Variants in STOX2 observed in about 807,000 individuals in gnomAD.
The protein encoded by STOX2 is storkhead-box protein 2.
A neutral mutation model predicts 60.9 loss-of-function variants in STOX2; 28 were observed. The ratio of observed to expected loss-of-function variants is 0.46; its 90% CI spans 0.34 to 0.63. The LOEUF (loss-of-function observed/expected upper bound fraction) is 0.63, where lower values mean the gene tolerates loss of function less well. Among genes scored for constraint, STOX2 ranks in the 30% least tolerant of loss-of-function variants. The pLI is 0.01. For synonymous variants in STOX2, 472 were observed against 463.9 expected (o/e 1.02, Z -0.22); for missense variants, 1,024 against 1,187.7 (o/e 0.86, Z 2.03).
Position 183,927,894 on chromosome 4 carries a change from G to A in STOX2, c.166+20938G>A, listed in dbSNP as rs571444085. 2.6e-5 allele frequency among the ~76,000 whole-genome samples: 4 copies of A among 152,300 alleles called. No homozygotes were observed. In the East Asian group the frequency reaches 7.7e-4, roughly 29 times the overall value. ...TGCAGGTAAGTGAGCACACCCCTCA[G>A]CAGGGCACCCAGGCATCCCACCAAG... On this transcript the variant is annotated intron_variant, in intron 1 of 3. Coordinates refer to ENST00000308497, the MANE Select transcript of STOX2 (RefSeq NM_020225.3).
At chr4:183,968,343 TACACACACACACACACACACACAC>T (rs60432446) in intron 1 of STOX2, among the ~76,000 whole-genome samples, 1 of 145,510 alleles carries the variant, frequency 6.9e-6, no homozygotes, top group Admixed American at 6.9e-5. Context: ...TGCATATACC[TACACACACACACACACACACACAC>T]ACACACACAC....
intron 2 of STOX2, among the ~76,000 whole-genome samples, chr4:184,003,788 C>T (rs528705500): frequency 2.0e-5 from 3 of 152,338 alleles, no homozygotes; most frequent in African/African-American, 4.8e-5. Context: ...CTGCTGACCC[C>T]TGGGCTAGGA....
chr4:183,874,743 G>A (rs1404429031), intron 1 of STOX2, among the ~76,000 whole-genome samples: 6 of 150,456 alleles, frequency 4.0e-5, no homozygotes, highest in Non-Finnish European at 4.4e-5. Flanking sequence ...TGGCTAACAC[G>A]GTGAAACCCC....
At chr4:183,956,116 T>C (rs1223091567) in intron 1 of STOX2, among the ~76,000 whole-genome samples, 1 of 152,202 alleles carries the variant, frequency 6.6e-6, no homozygotes, top group Non-Finnish European at 1.5e-5. Flanking sequence ...GTAACTGTAT[T>C]AGATGAAGGA....
Position 184,017,356 on chromosome 4 carries a change from A to C in STOX2, c.*72A>C. 7.3e-7 allele frequency: 1 copy of C among 1,364,024 alleles called. No homozygotes were observed. The highest frequency in any genetic ancestry group is 9.8e-7 in the Non-Finnish European group (1 of 1,017,164). 84.5% of individuals were successfully genotyped at this position (1,364,024 alleles called of 1,614,324 possible). ...TTACGACACTGGGACTGATGTTTAC[A>C]TCTTTGGAAAGACAAGCATCTCAAC... is the stretch of plus-strand genomic sequence containing the variant. On this transcript the variant is annotated 3_prime_UTR_variant, in exon 4 of 4. Transcript: ENST00000308497.
chr4:183,810,020 G>C (rs1443910731), intron 1 of STOX2, among the ~76,000 whole-genome samples: 1 of 152,188 alleles, frequency 6.6e-6, no homozygotes, highest in Non-Finnish European at 1.5e-5. Context: ...TGAATTCATA[G>C]AGCATAACTC....
In STOX2 at chr4:183,905,786, T is replaced by A. The variant is rs1050680536; in HGVS notation, c.-1005T>A. The A allele has an allele frequency of 3.9e-5, 6 of 152,218 alleles. No homozygotes were observed. Among genetic ancestry groups the A allele is most frequent in the African/African-American group, 1.4e-4 (6 of 41,468 alleles). The allele number at this position is 152,218 out of a possible 1,614,324, so 9.4% of individuals were successfully genotyped here. The stretch of plus-strand genomic sequence containing the variant: ...GAGACTGGGCGGCTGTCCTGCTTCC[T>A]GCCCTTCAATAGCCGTTCCGCGCGC... On this transcript the variant is annotated 5_prime_UTR_variant, in exon 1 of 4. Transcript: ENST00000308497.
At chr4:183,805,947 G>A (rs563771068) in intron 1 of STOX2, among the ~76,000 whole-genome samples, 29 of 152,310 alleles carry the variant, frequency 1.9e-4, no homozygotes, top group Admixed American at 6.5e-5. Context: ...CAGAGCTGGC[G>A]GTGTGTCTTT....
chr4:183,912,276 C>T (rs1221411208), intron 1 of STOX2, among the ~76,000 whole-genome samples: 2 of 152,164 alleles, frequency 1.3e-5, no homozygotes, highest in African/African-American at 4.8e-5. Context: ...AAAGCAAAAT[C>T]ACTTGTGTTG....
At chr4:183,852,324 A>G (rs1740166998) in intron 1 of STOX2, among the ~76,000 whole-genome samples, 2 of 111,536 alleles carry the variant, frequency 1.8e-5, no homozygotes, top group African/African-American at 8.3e-5. Context: ...GATGAGGGAA[A>G]GGATGAGGGA....
At position 183,798,755 on chromosome 4, in the gene STOX2, T is replaced by C. The variant is rs567926480; in HGVS notation, c.364+700T>C. On this transcript the variant is annotated intron_variant, in intron 1 of 2. Transcript: ENST00000513034. ...GAGCAAAACGTAAAGAGGGGCAGAG[T>C]CGCCCAGAGGTGAAGGTCGCCGCCG... is the stretch of plus-strand genomic sequence containing the variant. The C allele has an allele frequency of 7.3e-5, 72 of 985,252 alleles. No homozygotes were observed. The African/African-American group carries it at 1.2e-3, about 16-fold the overall frequency. The allele number at this position is 985,252 out of a possible 1,614,324, so 61.0% of individuals were successfully genotyped here.
Position 184,022,703 on chromosome 4 carries a change from T to TGCAGAG in STOX2, c.*5419_*5420insGCAGAG. 6.6e-6 allele frequency: 1 copy of TGCAGAG among 151,720 alleles called. No homozygotes were observed. The highest frequency in any genetic ancestry group is 2.1e-4 in the South Asian group (1 of 4,796). 9.4% of individuals were successfully genotyped at this position (151,720 alleles called of 1,614,324 possible). A position where few individuals can be genotyped will look rare whatever the true frequency, so the allele number is the denominator to read the frequency against. On this transcript the variant is annotated 3_prime_UTR_variant, in exon 4 of 4. Transcript: ENST00000308497. ...ATGTGAGACCTGAGATCTCCTCCAA[T>TGCAGAG]ATCTGTCCTCTGCAGTTCCGGGAAA...
rs142177119 is a variant in STOX2 at position 183,897,140 on chromosome 4, T to C, written c.364+99085T>C. ...AGACTCACTTCATGAACTGTTAACA[T>C]TGTCAGTCATGTCAATCAGGCAACT... On this transcript the variant is annotated intron_variant, in intron 1 of 2. Transcript: ENST00000513034. 1.8e-3 allele frequency among the ~76,000 whole-genome samples: 273 copies of C among 152,318 alleles called. 4 individuals are homozygous for C. The highest frequency in any genetic ancestry group is 6.2e-3 in the African/African-American group (258 of 41,568).
At position 183,906,837 on chromosome 4, in the gene STOX2, C is replaced by T. The variant is rs1342324000; in HGVS notation, c.47C>T (p.Ser16Leu). The T allele has an allele frequency of 1.9e-6, 3 of 1,555,638 alleles. No individual in the cohort carries two copies. In the African/African-American group the frequency reaches 4.1e-5, roughly 21 times the overall value. Reference sequence around the variant, plus strand: ...ACCTTGCGGCGAGCCTGGCCTAGCTCGGATTTCTCGGACCGGGCCTCGGAC... The same window carrying T: ...ACCTTGCGGCGAGCCTGGCCTAGCTTGGATTTCTCGGACCGGGCCTCGGAC... ...STTLRRAWPSSDFSDRASDRM... is the reference protein window; with the variant it reads ...STTLRRAWPSLDFSDRASDRM... The change falls in exon 1 of 4, where the codon TCG (serine) becomes TTG (leucine). Residue 16 changes from serine to leucine, a missense_variant. Ser to Leu is a moderately radical substitution (Grantham distance 145, BLOSUM62 -2). This residue lies in a region of STOX2 where 98 missense variants were observed against 110.2 expected (regional missense o/e 0.89). Coordinates refer to ENST00000308497, the MANE Select transcript of STOX2 (RefSeq NM_020225.3).
At chr4:183,848,268 T>A (rs1194372229) in intron 1 of STOX2, among the ~76,000 whole-genome samples, 1 of 152,208 alleles carries the variant, frequency 6.6e-6, no homozygotes, top group Non-Finnish European at 1.5e-5. Context: ...TCACTGTCAT[T>A]AGAATATTGG....
intron 1 of STOX2, among the ~76,000 whole-genome samples, chr4:183,920,708 A>G (rs1230614224): frequency 1.3e-5 from 2 of 152,068 alleles, no homozygotes; most frequent in South Asian, 4.2e-4. Flanking sequence ...CCCTGCTGCT[A>G]TTTCTTCCTC....
At chr4:183,991,610 G>A (rs184089600) in intron 1 of STOX2, among the ~76,000 whole-genome samples, 18 of 152,042 alleles carry the variant, frequency 1.2e-4, no homozygotes, top group South Asian at 6.2e-4. Flanking sequence ...TGTGTTTTTC[G>A]TAGTGATGGG....
At chr4:183,956,097 G>A (rs1168742930) in intron 1 of STOX2, among the ~76,000 whole-genome samples, 1 of 152,150 alleles carries the variant, frequency 6.6e-6, no homozygotes, top group South Asian at 2.1e-4. Context: ...CGTCTGCCTA[G>A]GTTGAGAGGT....
chr4:183,800,485 C>G (rs933790262), intron 1 of STOX2, among the ~76,000 whole-genome samples: 1 of 152,228 alleles, frequency 6.6e-6, no homozygotes, highest in Non-Finnish European at 1.5e-5. Context: ...GCATCCCTTT[C>G]AATTGACCCC....
Sources: gnomAD v4.1 joint callset for allele counts (sites outside exome capture counted in the v4.1 genomes callset) on GRCh38, gnomAD v4.1.1 for gene constraint, gnomAD v4.1.1 regional missense constraint, MANE v1.5 for transcripts, NCBI Gene and HGNC (gene_info 2026-07-23, HGNC 2026-07-21) for gene names.